AHNAK2: variants seen among roughly 807,000 people sequenced by gnomAD.
AHNAK2 encodes protein AHNAK2.
A neutral mutation model predicts 30.7 loss-of-function variants in AHNAK2; 18 were observed. That is an observed-to-expected ratio of 0.59 (90% confidence interval 0.41 to 0.87). The LOEUF (loss-of-function observed/expected upper bound fraction) is 0.87. Ranked by LOEUF, AHNAK2 falls within the 40% of genes least tolerant of loss-of-function variation. The pLI is 0.00. For missense variants in AHNAK2, 8,604 were observed against 7,373.0 expected (o/e 1.17, Z -6.11); for synonymous variants, 3,590 against 3,073.8 (o/e 1.17, Z -5.56).
At position 104,943,090 on chromosome 14, in the gene AHNAK2, G is replaced by A; in HGVS notation, c.12361C>T (p.Leu4121=). 6.2e-7 allele frequency: 1 copy of A among 1,613,202 alleles called. No homozygotes were observed. The highest frequency in any genetic ancestry group is 8.5e-7 in the Non-Finnish European group (1 of 1,179,586). ...TTGGCAGTCACATCCTTGTCGGCCA[G>A]GGACAGGTCCCCCTCCAGCTGCACA... ...DGVQLEGDLS[L]ADKDVTAKDS... Residue 4121 remains leucine (L), a synonymous_variant, in exon 7 of 7, where the codon CTG becomes TTG. Transcript: ENST00000333244.
At chr14:104,956,513 C>G (rs1898978691) in intron 4 of AHNAK2, 75 bp downstream of exon 4, 1 of 1,502,908 alleles carries the variant, frequency 6.7e-7, no homozygotes, top group African/African-American at 1.4e-5. Flanking sequence ...CCTGCCTGCT[C>G]TGACCTCGGA....
chr14:104,964,177 G>GA (rs2140877406), intron 1 of AHNAK2, among the ~76,000 whole-genome samples: 1 of 152,310 alleles, frequency 6.6e-6, no homozygotes, highest in South Asian at 2.1e-4. Flanking sequence ...ATATGGGCAA[G>GA]AAAACACTGG....
At chr14:104,975,874 T>C (rs1025223584) in intron 1 of AHNAK2, among the ~76,000 whole-genome samples, 6 of 152,302 alleles carry the variant, frequency 3.9e-5, no homozygotes, top group Non-Finnish European at 8.8e-5. Flanking sequence ...CCTGAGGCCC[T>C]GAAGAGGGCA....
At position 104,944,520 on chromosome 14, in the gene AHNAK2, T is replaced by C; in HGVS notation, c.10931A>G (p.Lys3644Arg). The C allele has an allele frequency of 1.2e-6, 2 of 1,613,080 alleles. No individual in the cohort carries two copies. Among genetic ancestry groups the C allele is most frequent in the Non-Finnish European group, 1.7e-6 (2 of 1,179,568 alleles). Residue 3644 changes from lysine (K) to arginine (R), a missense_variant, in exon 7 of 7, where the codon AAG (lysine) becomes AGG (arginine). Lys to Arg is a conservative substitution (Grantham distance 26). Transcript: ENST00000333244. ...GGCCGATACCCTGAATGACGGCATC[T>C]TGAATTTGGGCATTTTGAACTTGCT... ...KDSKFKMPKF[K>R]MPSFRVSAPG...
At position 104,942,701 on chromosome 14, in the gene AHNAK2, C is replaced by G. The variant is rs768662137; in HGVS notation, c.12750G>C (p.Ala4250=). 1.2e-5 allele frequency: 19 copies of G among 1,613,388 alleles called. No individual in the cohort carries two copies. The highest frequency in any genetic ancestry group is 1.6e-5 in the Non-Finnish European group (19 of 1,179,766). ...GPKLDLKGPK[A]DVMTPVVEVS... ...CCTCCACGACGGGGGTCATCACATC[C>G]GCCTTGGGGCCTTTCAGGTCCAGCT... Residue 4250 remains alanine, a synonymous_variant, in exon 7 of 7, where the codon GCG becomes GCC. Coordinates refer to ENST00000333244, the MANE Select transcript of AHNAK2 (RefSeq NM_138420.4).
rs751961612 is a variant in AHNAK2, at chr14:104,940,015, G to T, written c.15436C>A (p.Pro5146Thr). 2 of 1,610,964 alleles carry T rather than the reference G, an allele frequency of 1.2e-6. No homozygotes were observed. Among genetic ancestry groups the T allele is most frequent in the Non-Finnish European group, 1.7e-6 (2 of 1,178,394 alleles). The change falls in exon 7 of 7, where the codon CCT becomes ACT. Residue 5146 changes from proline to threonine, a missense_variant. Transcript: ENST00000333244. This position sits in a 1 kb window ranked among gnomAD's most constrained non-coding sequence, Gnocchi z 4.4. ...CGLGDVPVSQ[P>T]CGEGIAPTPE... ...GTGGGGGCTATCCCCTCCCCACAAG[G>T]CTGGCTCACTGGGACATCCCCGAGC...
In AHNAK2 at chr14:104,939,307, G is replaced by C. The variant is rs1246756817; in HGVS notation, c.16144C>G (p.Leu5382Val). ...NVDQLWEDSV[L>V]TVKFPKLMVP... Reference sequence around the variant, plus strand: ...ATTAATTTGGGGAATTTGACAGTTAGGACAGAATCTTCCCACAGTTGATCC... The same window carrying C: ...ATTAATTTGGGGAATTTGACAGTTACGACAGAATCTTCCCACAGTTGATCC... The change falls in exon 7 of 7, where the codon CTA becomes GTA. Residue 5382 changes from leucine to valine, a missense_variant. Transcript: ENST00000333244. 1.9e-6 allele frequency: 3 copies of C among 1,613,836 alleles called. No individual in the cohort carries two copies. The highest frequency in any genetic ancestry group is 1.7e-5 in the Admixed American group (1 of 60,032).
chr14:104,962,789 CT>C (rs1899185521), intron 1 of AHNAK2, among the ~76,000 whole-genome samples: 1 of 152,156 alleles, frequency 6.6e-6, no homozygotes, highest in African/African-American at 2.4e-5. Flanking sequence ...CCGAATGGTC[CT>C]GGAACAGCTG....
chr14:104,957,308 C>T (rs1385827202), intron 3 of AHNAK2, 102 bp downstream of exon 3: 29 of 1,099,796 alleles, frequency 2.6e-5, no homozygotes, highest in South Asian at 7.7e-5. Context: ...CAGTGGGCAG[C>T]GGGGCAGGGC....
rs752295555 is a variant in AHNAK2, at chr14:104,944,595, C to G, written c.10856G>C (p.Arg3619Pro). 1 of 1,612,466 alleles carries G rather than the reference C, an allele frequency of 6.2e-7. No homozygotes were observed. Among genetic ancestry groups the G allele is most frequent in the Non-Finnish European group, 8.5e-7 (1 of 1,179,456 alleles). The stretch of plus-strand genomic sequence containing the variant: ...AGCCAGGGACAGGTCTCCCTCCAGC[C>G]GCCCAGCATCCAGCTTGGCCTTCGG... ...QAPKAKLDAG[R>P]LEGDLSLADK... The change falls in exon 7 of 7, where the codon CGG becomes CCG. Residue 3619 changes from arginine (R) to proline (P), a missense_variant. Arg to Pro is a moderately radical substitution (Grantham distance 103). Transcript: ENST00000333244.
Position 104,949,781 on chromosome 14 carries a change from C to T in AHNAK2, c.5670G>A (p.Lys1890=), listed in dbSNP as rs371962152. ...CCTCGGGCACCTGGCCCTCCGGGAG[C>T]TTCATGTCCACTTGGCCAGCCTGGA... ...LVVQAGQVDM[K]LPEGQVPEGA... The change falls in exon 7 of 7, where the codon AAG becomes AAA. Residue 1890 remains lysine, a synonymous_variant. Transcript: ENST00000333244. The T allele has an allele frequency of 2.0e-4, 319 of 1,584,058 alleles. 36 individuals are homozygous for T. In the African/African-American group the frequency reaches 3.3e-3, roughly 16 times the overall value.
In AHNAK2 at chr14:104,947,248, G is replaced by C. The variant is rs748505604; in HGVS notation, c.8203C>G (p.Gln2735Glu). ...TCAGGCATCTTGAAACTGGGCATCT[G>C]CAGCTTGGGCAGGTGCCCTTTGAGG... ...AGLKGHLPKL[Q>E]MPSFKMPEVD... Residue 2735 changes from glutamine (Q) to glutamate (E), a missense_variant, in exon 7 of 7, where the codon CAG becomes GAG. Transcript: ENST00000333244. 3.1e-6 allele frequency: 5 copies of C among 1,611,696 alleles called. No individual in the cohort carries two copies. In the African/African-American group the frequency reaches 4.1e-5, roughly 13 times the overall value.
Position 104,943,552 on chromosome 14 carries a change from T to C in AHNAK2, c.11899A>G (p.Lys3967Glu). ...ATCTTGAACTTGGGCATTTTGAACTTGCTGTCTTTGGCCGTCATGTCCTTG... is the reference window on the plus strand; with the variant it reads ...ATCTTGAACTTGGGCATTTTGAACTCGCTGTCTTTGGCCGTCATGTCCTTG... ...ADKDMTAKDS[K>E]FKMPKFKMPS... Residue 3967 changes from lysine (K) to glutamate (E), a missense_variant, in exon 7 of 7, where the codon AAG becomes GAG. Coordinates refer to ENST00000333244, the MANE Select transcript of AHNAK2 (RefSeq NM_138420.4). The C allele has an allele frequency of 6.2e-7, 1 of 1,612,736 alleles. No individual in the cohort carries two copies. Among genetic ancestry groups the C allele is most frequent in the Non-Finnish European group, 8.5e-7 (1 of 1,179,450 alleles).
At chr14:104,970,724 C>G (rs952370073) in intron 1 of AHNAK2, among the ~76,000 whole-genome samples, 8 of 152,196 alleles carry the variant, frequency 5.3e-5, no homozygotes, top group South Asian at 2.1e-4. Context: ...GTGCCCACCC[C>G]CAGCCTGAGC....
rs1284455221 is a variant in AHNAK2 at position 104,952,375 on chromosome 14, G to A, written c.3076C>T (p.Pro1026Ser). The A allele has an allele frequency of 3.1e-6, 5 of 1,612,734 alleles. No individual in the cohort carries two copies. The Admixed American group carries it at 6.7e-5, about 22-fold the overall frequency. The change falls in exon 7 of 7, where the codon CCC becomes TCC. Residue 1026 changes from proline (P) to serine (S), a missense_variant. Pro to Ser is a moderately conservative substitution (Grantham distance 74). Coordinates refer to ENST00000333244, the MANE Select transcript of AHNAK2 (RefSeq NM_138420.4). ...AGACTCAGGTCGGCCTCCACCTTGG[G>A]TGCAGACACATCCACCAAGGCCTTG... ...SIKALVDVSA[P>S]KVEADLSLPS... is the part of the protein sequence containing the mutation.
At chr14:104,975,278 C>T (rs1166594132) in intron 1 of AHNAK2, among the ~76,000 whole-genome samples, 2 of 152,224 alleles carry the variant, frequency 1.3e-5, no homozygotes, top group Non-Finnish European at 2.9e-5. Flanking sequence ...AGCCTCACCC[C>T]CTTCCCTGAG....
chr14:104,947,204 G>C lies in AHNAK2; in HGVS notation c.8247C>G (p.Pro2749=), dbSNP rs760163360. The C allele has an allele frequency of 6.2e-7, 1 of 1,612,220 alleles. No individual in the cohort carries two copies. ...FKMPEVDLKG[P]QIDVKGPNVD... is the part of the protein sequence containing the mutation. ...CGTTGGGGCCCTTAACATCTATCTGGGGGCCCTTGAGGTCCACTTCAGGCA... is the reference window on the plus strand; with the variant it reads ...CGTTGGGGCCCTTAACATCTATCTGCGGGCCCTTGAGGTCCACTTCAGGCA... Residue 2749 remains proline, a synonymous_variant, in exon 7 of 7, where the codon CCC becomes CCG. Coordinates refer to ENST00000333244, the MANE Select transcript of AHNAK2 (RefSeq NM_138420.4).
Position 104,943,854 on chromosome 14 carries a change from T to C in AHNAK2, c.11597A>G (p.Gln3866Arg). ...GCCCTCCAGGAGTTTCATGTCCACC[T>C]GGCGAGCTTGGACCGTCAGGTCGGC... ...HSADLTVQAR[Q>R]VDMKLLEGHV... The change falls in exon 7 of 7, where the codon CAG becomes CGG. Residue 3866 changes from glutamine (Q) to arginine (R), a missense_variant. Physicochemically the swap from Gln to Arg is conservative, Grantham distance 43. Transcript: ENST00000333244. 3.1e-6 allele frequency: 5 copies of C among 1,612,986 alleles called. No homozygotes were observed. In the South Asian group the frequency reaches 5.5e-5, roughly 18 times the overall value.
Position 104,937,986 on chromosome 14 carries a change from G to A in AHNAK2, c.*77C>T. The A allele has an allele frequency of 6.9e-7, 1 of 1,455,070 alleles. No individual in the cohort carries two copies. The highest frequency in any genetic ancestry group is 9.3e-7 in the Non-Finnish European group (1 of 1,070,086). The allele number at this position is 1,455,070 out of a possible 1,614,324, so 90.1% of individuals were successfully genotyped here. On this transcript the variant is annotated 3_prime_UTR_variant, in exon 7 of 7. Coordinates refer to ENST00000333244, the MANE Select transcript of AHNAK2 (RefSeq NM_138420.4). ...TGGATGTAATGTGCTGTGGGATGGGGTGCTCCATATGTGTGTGTAGCCTTT... is the reference window on the plus strand; with the variant it reads ...TGGATGTAATGTGCTGTGGGATGGGATGCTCCATATGTGTGTGTAGCCTTT...
Sources: gnomAD v4.1 joint callset for allele counts (sites outside exome capture counted in the v4.1 genomes callset) on GRCh38, gnomAD v4.1.1 for gene constraint, Gnocchi (gnomAD v3.1) non-coding constraint, MANE v1.5 for transcripts, NCBI Gene and HGNC (gene_info 2026-07-23, HGNC 2026-07-21) for gene names.